Variants in CHLSN observed in about 807,000 individuals in gnomAD.
The protein encoded by CHLSN is protein cholesin.
At chr7:1,032,881 C>A in the CHLSN span, among the ~76,000 whole-genome samples, 1 of 152,258 alleles carries the variant, frequency 6.6e-6, no homozygotes, top group Non-Finnish European at 1.5e-5. Context: ...CCAGCCCAGT[C>A]ACACTGTCTG....
At chr7:1,060,940 C>T in the CHLSN span, among the ~76,000 whole-genome samples, 1 of 152,132 alleles carries the variant, frequency 6.6e-6, no homozygotes, top group Non-Finnish European at 1.5e-5. Context: ...CCCAACCCTC[C>T]TACCCCTGCA....
the CHLSN span, among the ~76,000 whole-genome samples, chr7:1,059,811 G>A: frequency 1.1e-5 from 1 of 94,418 alleles, no homozygotes; most frequent in Admixed American, 1.1e-4. Flanking sequence ...CCGTAGTGGG[G>A]CGGGTCTGTA....
the CHLSN span, among the ~76,000 whole-genome samples, chr7:1,031,036 G>A: frequency 2.6e-5 from 4 of 152,172 alleles, no homozygotes; most frequent in African/African-American, 4.8e-5. Context: ...GCCTTGGCTT[G>A]AAGCATCAGT....
chr7:1,021,524 G>C, the CHLSN span: 11 of 985,306 alleles, frequency 1.1e-5, no homozygotes, highest in African/African-American at 1.9e-4. Flanking sequence ...GGACCCCAGG[G>C]AGCACTGTCC....
chr7:1,136,575 A>C, the CHLSN span, among the ~76,000 whole-genome samples: 1 of 22,118 alleles, frequency 4.5e-5, no homozygotes, highest in Admixed American at 5.0e-4. Context: ...TATAAACATA[A>C]ACATATATAA....
chr7:1,020,947 T>C, the CHLSN span, among the ~76,000 whole-genome samples: 1 of 152,170 alleles, frequency 6.6e-6, no homozygotes, highest in African/African-American at 2.4e-5. Context: ...AGCCTTCAGA[T>C]GGGACCTCCC....
chr7:1,020,660 C>T, the CHLSN span, among the ~76,000 whole-genome samples: 2 of 152,338 alleles, frequency 1.3e-5, no homozygotes, highest in Middle Eastern at 3.4e-3. Context: ...ACCGAACCCA[C>T]CTCCCGAGCA....
the CHLSN span, chr7:1,028,539 C>T: frequency 1.0e-6 from 1 of 985,102 alleles, no homozygotes; most frequent in Non-Finnish European, 1.2e-6. Context: ...GCTCCTCCGA[C>T]GAGGCTCTCT....
the CHLSN span, among the ~76,000 whole-genome samples, chr7:1,123,343 C>T: frequency 6.6e-6 from 1 of 152,190 alleles, no homozygotes; most frequent in African/African-American, 2.4e-5. This position sits in a 1 kb window ranked among gnomAD's most constrained non-coding sequence, Gnocchi z 4.4. Flanking sequence ...CACGGGGCCC[C>T]GGGAGTGGCC....
the CHLSN span, among the ~76,000 whole-genome samples, chr7:1,038,887 G>T: frequency 8.8e-5 from 6 of 67,872 alleles, no homozygotes; most frequent in African/African-American, 3.7e-4. Flanking sequence ...GAGGTCGGGG[G>T]GTCAGCCCTC....
the CHLSN span, among the ~76,000 whole-genome samples, chr7:1,098,593 G>A: frequency 2.6e-5 from 4 of 151,508 alleles, no homozygotes; most frequent in East Asian, 1.9e-4. Flanking sequence ...GAGCTGCCAC[G>A]CTCAGTGAGA....
the CHLSN span, among the ~76,000 whole-genome samples, chr7:1,012,772 T>G: frequency 1.3e-5 from 2 of 151,846 alleles, no homozygotes; most frequent in African/African-American, 4.8e-5. Flanking sequence ...GCCAGGGGCC[T>G]TGGGGGTGCC....
the CHLSN span, among the ~76,000 whole-genome samples, chr7:1,121,478 A>C: frequency 6.6e-6 from 1 of 152,222 alleles, no homozygotes; most frequent in Non-Finnish European, 1.5e-5. Context: ...AAGGCCATGA[A>C]GTTCACGGCC....
the CHLSN span, among the ~76,000 whole-genome samples, chr7:1,046,958 GCTCGA>G: frequency 9.8e-5 from 15 of 152,352 alleles, no homozygotes; most frequent in Non-Finnish European, 1.8e-4. Context: ...GTAAACCGGG[GCTCGA>G]CTGAGGAGCC....
At chr7:1,039,255 G>C in the CHLSN span, among the ~76,000 whole-genome samples, 4 of 28,706 alleles carry the variant, frequency 1.4e-4, no homozygotes, top group Non-Finnish European at 2.4e-4. Flanking sequence ...CAGCCCCCCC[G>C]CCCGGCCAGC....
chr7:1,008,828 AACG>A, the CHLSN span, among the ~76,000 whole-genome samples: 2 of 44,264 alleles, frequency 4.5e-5, no homozygotes, highest in African/African-American at 2.6e-4. Flanking sequence ...ACATATACAC[AACG>A]TGTATACACA....
At chr7:1,102,985 C>T in the CHLSN span, among the ~76,000 whole-genome samples, 4 of 152,306 alleles carry the variant, frequency 2.6e-5, no homozygotes, top group South Asian at 4.1e-4. Flanking sequence ...AAGAGAGAGA[C>T]ACTCTGTTGC....
At chr7:987,914 GGGGATCCCCTGTGTGTCCT>G in the CHLSN span, among the ~76,000 whole-genome samples, 2 of 144,080 alleles carry the variant, frequency 1.4e-5, no homozygotes, top group Non-Finnish European at 3.0e-5. Flanking sequence ...TGTGTGTCCT[GGGGATCCCCTGTGTGTCCT>G]GGGGGGGTCC....
chr7:1,084,017 G>C, the CHLSN span, among the ~76,000 whole-genome samples: 1 of 152,254 alleles, frequency 6.6e-6, no homozygotes, highest in African/African-American at 2.4e-5. Flanking sequence ...GGCCGGAATG[G>C]AACAGATGGA....
Sources: allele counts gnomAD v4.1 joint callset (sites outside exome capture counted in the v4.1 genomes callset), GRCh38; gene constraint gnomAD v4.1.1; non-coding constraint Gnocchi (gnomAD v3.1); transcripts MANE v1.5; gene names NCBI Gene and HGNC (gene_info 2026-07-23, HGNC 2026-07-21).